Variants in LRRC4C observed in about 807,000 individuals in gnomAD.
LRRC4C encodes the protein leucine-rich repeat-containing protein 4C.
Under a neutral mutation model 33.6 loss-of-function variants are expected in LRRC4C, and 5 were observed. That is an observed-to-expected ratio of 0.15 (90% CI 0.08 to 0.31). The LOEUF (loss-of-function observed/expected upper bound fraction) is 0.31. LRRC4C is among the 10% of genes least tolerant of loss of function. The probability of loss-of-function intolerance (pLI) is 1.00; values close to 1 mark genes in which losing one functional copy is unlikely to be tolerated. For synonymous variants in LRRC4C, 329 were observed against 302.0 expected, an observed-to-expected ratio of 1.09 and a Z score of -0.93; for missense variants, 560 against 796.7, an observed-to-expected ratio of 0.70 and a Z score of 3.58.
At chr11:41,222,583 C>T (rs537143541) in intron 1 of LRRC4C, among the ~76,000 whole-genome samples, 2 of 152,114 alleles carry the variant, frequency 1.3e-5, no homozygotes, top group South Asian at 2.1e-4. Flanking sequence ...ATAAATGCTG[C>T]GGTGGAAGAT....
chr11:40,677,694 T>G (rs186140809), intron 2 of LRRC4C, among the ~76,000 whole-genome samples: 178 of 152,276 alleles, frequency 1.2e-3, no homozygotes, highest in Non-Finnish European at 3.1e-4. Flanking sequence ...TGTTTGCTGC[T>G]CAGCTAAAAA....
chr11:41,143,164 T>A (rs867626001), intron 1 of LRRC4C, among the ~76,000 whole-genome samples: 3 of 151,464 alleles, frequency 2.0e-5, no homozygotes, highest in South Asian at 2.1e-4. Context: ...CAATGCAGAA[T>A]ACAACAAGTT....
intron 2 of LRRC4C, among the ~76,000 whole-genome samples, chr11:40,882,324 A>AT (rs1480456098): frequency 1.3e-5 from 2 of 152,096 alleles, no homozygotes; most frequent in Admixed American, 1.3e-4. Context: ...ACTCTTGAGA[A>AT]TAAAAAAAAG....
At chr11:40,862,941 G>A (rs182893988) in intron 2 of LRRC4C, among the ~76,000 whole-genome samples, 1 of 152,176 alleles carries the variant, frequency 6.6e-6, no homozygotes, top group Admixed American at 6.5e-5. Flanking sequence ...TGGAACAAAT[G>A]ATTTCTTCTG....
intron 1 of LRRC4C, among the ~76,000 whole-genome samples, chr11:41,377,366 A>G (rs533281856): frequency 3.4e-4 from 52 of 152,330 alleles, no homozygotes; most frequent in African/African-American, 1.1e-3. Flanking sequence ...TCCCAAGACC[A>G]GTACAAAATG....
chr11:40,312,774 A>G (rs1945377314), intron 4 of LRRC4C, among the ~76,000 whole-genome samples: 1 of 152,234 alleles, frequency 6.6e-6, no homozygotes, highest in Non-Finnish European at 1.5e-5. Flanking sequence ...GCAGAAGGAC[A>G]GTGTCAACAA....
intron 1 of LRRC4C, among the ~76,000 whole-genome samples, chr11:41,434,112 A>T (rs1242568945): frequency 6.6e-6 from 1 of 152,130 alleles, no homozygotes; most frequent in African/African-American, 2.4e-5. Flanking sequence ...GTCCATAGAT[A>T]TTCAGCAGTG....
intron 3 of LRRC4C, among the ~76,000 whole-genome samples, chr11:40,506,569 A>G (rs544560910): frequency 6.6e-6 from 1 of 152,154 alleles, no homozygotes; most frequent in Non-Finnish European, 1.5e-5. Flanking sequence ...CAAAGGAAAT[A>G]TATTTGCTCT....
chr11:40,477,409 G>T (rs938327117), intron 3 of LRRC4C, among the ~76,000 whole-genome samples: 1 of 152,026 alleles, frequency 6.6e-6, no homozygotes, highest in African/African-American at 2.4e-5. Context: ...GGGATGATCT[G>T]GCTTTGGTAT....
chr11:41,380,983 A>T (rs916098570), intron 1 of LRRC4C, among the ~76,000 whole-genome samples: 3 of 152,198 alleles, frequency 2.0e-5, no homozygotes, highest in African/African-American at 7.2e-5. Context: ...ATGAATCCAT[A>T]TTATAAGCCA....
At chr11:40,959,657 C>A (rs1025028823) in intron 1 of LRRC4C, among the ~76,000 whole-genome samples, 2 of 151,540 alleles carry the variant, frequency 1.3e-5, no homozygotes, top group Non-Finnish European at 1.5e-5. Flanking sequence ...GATTATTGCC[C>A]TTCCATTTTC....
At chr11:40,150,209 C>T (rs1169335454) in intron 5 of LRRC4C, among the ~76,000 whole-genome samples, 2 of 152,152 alleles carry the variant, frequency 1.3e-5, no homozygotes, top group Non-Finnish European at 2.9e-5. Flanking sequence ...ATTTGGGGTC[C>T]ACCTGGATAA....
chr11:41,151,750 T>C (rs750576710), intron 1 of LRRC4C, among the ~76,000 whole-genome samples: 1 of 152,138 alleles, frequency 6.6e-6, no homozygotes, highest in Admixed American at 6.6e-5. Flanking sequence ...CTAAAAAAGA[T>C]GGCCAACACT....
In LRRC4C at chr11:40,624,245, G is replaced by C. The variant is rs568647770; in HGVS notation, c.-270+23897C>G. Among the ~76,000 whole-genome samples, 11 of 152,180 alleles carry C rather than the reference G, an allele frequency of 7.2e-5. 1 individual carries two copies. In the South Asian group the frequency reaches 2.3e-3, roughly 31 times the overall value. ...CTATAAGATATGTTTTTTGACCTTA[G>C]ATTAATTTAGTGATGCAGAAAATTA... On this transcript the variant is annotated intron_variant, in intron 3 of 6. Coordinates refer to ENST00000528697, the MANE Select transcript of LRRC4C (RefSeq NM_001258419.2).
chr11:41,188,932 G>T (rs1240400735), intron 1 of LRRC4C, among the ~76,000 whole-genome samples: 1 of 139,800 alleles, frequency 7.2e-6, no homozygotes, highest in Non-Finnish European at 1.5e-5. Flanking sequence ...TATAATTTAT[G>T]TTGGCAATTT....
chr11:40,965,839 C>T (rs1408966501), intron 1 of LRRC4C, among the ~76,000 whole-genome samples: 1 of 151,506 alleles, frequency 6.6e-6, no homozygotes, highest in Non-Finnish European at 1.5e-5. Context: ...TTAGGATTGA[C>T]TTGGTGATGC....
At chr11:40,538,321 C>G (rs1956561688) in intron 3 of LRRC4C, among the ~76,000 whole-genome samples, 1 of 151,976 alleles carries the variant, frequency 6.6e-6, no homozygotes, top group Admixed American at 6.6e-5. Context: ...TGTGATGTTC[C>G]CCTTCTTCTG....
intron 2 of LRRC4C, among the ~76,000 whole-genome samples, chr11:40,852,754 G>T (rs1423722786): frequency 6.6e-6 from 1 of 152,138 alleles, no homozygotes; most frequent in East Asian, 1.9e-4. Flanking sequence ...TAGAACTGTT[G>T]CAATTCTCAG....
At chr11:40,903,233 A>G (rs967230123) in intron 2 of LRRC4C, among the ~76,000 whole-genome samples, 5 of 152,202 alleles carry the variant, frequency 3.3e-5, no homozygotes, top group African/African-American at 1.2e-4. Context: ...TAAATGGAAC[A>G]ACAAAGGCTG....
Sources: gnomAD v4.1 joint callset for allele counts (sites outside exome capture counted in the v4.1 genomes callset) on GRCh38, gnomAD v4.1.1 for gene constraint, MANE v1.5 for transcripts, NCBI Gene and HGNC (gene_info 2026-07-23, HGNC 2026-07-21) for gene names.